Variants in LTAP1 observed in about 807,000 individuals in gnomAD.
LTAP1 encodes the protein lipid transport auxiliary protein 1, also known as HCV NS5A-transactivated protein 4.
At chr1:154,215,650 C>G in the LTAP1 span, among the ~76,000 whole-genome samples, 1 of 151,868 alleles carries the variant, frequency 6.6e-6, no homozygotes, top group African/African-American at 2.4e-5. Flanking sequence ...ATCTCTCTTA[C>G]CTAAGAGGGT....
chr1:154,212,092 G>T, the LTAP1 span: 1 of 492,028 alleles, frequency 2.0e-6, no homozygotes. Flanking sequence ...CCCAACCTCA[G>T]ATGATCCTCC....
At chr1:154,214,633 G>A in the LTAP1 span, 1 of 1,067,116 alleles carries the variant, frequency 9.4e-7, no homozygotes. Context: ...TTCCACCAAT[G>A]TGAAAATGGG....
At chr1:154,207,402 T>C in the LTAP1 span, 1 of 1,582,218 alleles carries the variant, frequency 6.3e-7, no homozygotes, top group African/African-American at 1.3e-5. Context: ...CAGCCTGTCT[T>C]GCACATTGCA....
chr1:154,219,870 C>T, the LTAP1 span: 1 of 1,613,856 alleles, frequency 6.2e-7, no homozygotes, highest in Non-Finnish European at 8.5e-7. Context: ...GACATGAGGT[C>T]CCCTTCGAGA....
chr1:154,219,628 G>A, the LTAP1 span, among the ~76,000 whole-genome samples: 2 of 152,186 alleles, frequency 1.3e-5, no homozygotes, highest in Non-Finnish European at 2.9e-5. Flanking sequence ...AAAAACAGAA[G>A]TTCCAGGATG....
At chr1:154,215,576 A>G in the LTAP1 span, among the ~76,000 whole-genome samples, 1 of 151,768 alleles carries the variant, frequency 6.6e-6, no homozygotes, top group African/African-American at 2.4e-5. Context: ...AAAAAAAAAA[A>G]AAGATACTAA....
chr1:154,214,547 G>A, the LTAP1 span: 8 of 1,612,764 alleles, frequency 5.0e-6, no homozygotes, highest in Non-Finnish European at 6.8e-6. Context: ...ACCCTGGAGA[G>A]TCGAATATCA....
At chr1:154,216,511 AT>A in the LTAP1 span, among the ~76,000 whole-genome samples, 111 of 142,778 alleles carry the variant, frequency 7.8e-4, no homozygotes, top group Non-Finnish European at 8.3e-4. Context: ...ATTATTAAAC[AT>A]TTTTTTTTTT....
At chr1:154,206,781 T>TTC in the LTAP1 span, 3 of 156,480 alleles carry the variant, frequency 1.9e-5, no homozygotes, top group African/African-American at 7.2e-5. Flanking sequence ...TGCATTGGGC[T>TTC]TGTTAGGGGA....
the LTAP1 span, chr1:154,207,755 T>A: frequency 1.3e-5 from 12 of 890,572 alleles, no homozygotes; most frequent in Non-Finnish European, 2.1e-5. Flanking sequence ...GTTATTTGTG[T>A]CCTATCTGTC....
At chr1:154,215,583 C>T in the LTAP1 span, among the ~76,000 whole-genome samples, 2 of 150,494 alleles carry the variant, frequency 1.3e-5, no homozygotes, top group East Asian at 3.9e-4. Context: ...AAAAAAGATA[C>T]TAAAGGTAGC....
At chr1:154,214,097 G>A in the LTAP1 span, 1 of 639,104 alleles carries the variant, frequency 1.6e-6, no homozygotes, top group South Asian at 1.8e-5. Flanking sequence ...GACCAACATG[G>A]AGAAACCCCG....
the LTAP1 span, chr1:154,220,241 G>C: frequency 7.2e-7 from 1 of 1,396,498 alleles, no homozygotes; most frequent in Non-Finnish European, 1.0e-6. Flanking sequence ...CCGGATAGGC[G>C]CAGGTGAGTG....
chr1:154,216,339 AATT>A, the LTAP1 span, among the ~76,000 whole-genome samples: 28 of 100,236 alleles, frequency 2.8e-4, no homozygotes, highest in East Asian at 8.7e-3. Context: ...TTAAAAAAAA[AATT>A]TTTTTTTTTT....
chr1:154,209,510 C>T, the LTAP1 span, among the ~76,000 whole-genome samples: 1 of 148,550 alleles, frequency 6.7e-6, no homozygotes, highest in African/African-American at 2.5e-5. Context: ...ACTGCAACCT[C>T]TGCCTCCCAG....
chr1:154,212,376 G>T, the LTAP1 span: 1 of 1,614,128 alleles, frequency 6.2e-7, no homozygotes, highest in Non-Finnish European at 8.5e-7. Context: ...TCTGGCCAAA[G>T]ACCTTAGGAA....
At chr1:154,220,527 G>A in the LTAP1 span, 3 of 1,104,716 alleles carry the variant, frequency 2.7e-6, no homozygotes, top group African/African-American at 3.1e-5. Context: ...TTTCCTTACG[G>A]GGGAAGACCA....
chr1:154,218,440 CTA>C, the LTAP1 span, among the ~76,000 whole-genome samples: 3 of 152,170 alleles, frequency 2.0e-5, no homozygotes, highest in African/African-American at 7.2e-5. Flanking sequence ...GAAACTAACC[CTA>C]TGTCTTTCTC....
At chr1:154,214,996 G>A in the LTAP1 span, among the ~76,000 whole-genome samples, 1 of 151,786 alleles carries the variant, frequency 6.6e-6, no homozygotes, top group Non-Finnish European at 1.5e-5. Context: ...AGGCGCGTAC[G>A]ACCATGTCTG....
Sources: gnomAD v4.1 joint callset for allele counts (sites outside exome capture counted in the v4.1 genomes callset) on GRCh38, gnomAD v4.1.1 for gene constraint, MANE v1.5 for transcripts, NCBI Gene and HGNC (gene_info 2026-07-23, HGNC 2026-07-21) for gene names.